The following GPC5 variants were observed in gnomAD, a reference collection of about 807,000 sequenced individuals.
GPC5 encodes the protein glypican-5.
GPC5 carries 47 observed loss-of-function variants against 53.9 expected under a neutral mutation model. The observed-to-expected ratio is 0.87, with a 90% CI of 0.69 to 1.11. The LOEUF (loss-of-function observed/expected upper bound fraction) is 1.11, where lower values mean the gene tolerates loss of function less well. Among genes scored for constraint, GPC5 ranks in the 50% most tolerant of loss-of-function variants. The pLI, the probability that GPC5 is intolerant of heterozygous loss-of-function variation, is 0.00. For missense variants in GPC5, 748 were observed against 713.1 expected, an observed-to-expected ratio of 1.05 and a Z score of -0.56; for synonymous variants, 286 against 263.3, an observed-to-expected ratio of 1.09 and a Z score of -0.84.
At chr13:92,419,772 T>G (rs573315262) in intron 7 of GPC5, among the ~76,000 whole-genome samples, 2 of 152,332 alleles carry the variant, frequency 1.3e-5, no homozygotes, top group East Asian at 3.9e-4. Context: ...ATTGAGTTTA[T>G]TTAAGAAAAA....
intron 2 of GPC5, among the ~76,000 whole-genome samples, chr13:91,570,098 G>A (rs1042510835): frequency 2.0e-5 from 3 of 152,144 alleles, no homozygotes; most frequent in Non-Finnish European, 2.9e-5. Flanking sequence ...CATATATTAA[G>A]CTACATATTT....
intron 5 of GPC5, among the ~76,000 whole-genome samples, chr13:91,773,306 A>C (rs527253468): frequency 6.6e-6 from 1 of 152,308 alleles, no homozygotes; most frequent in South Asian, 2.1e-4. Flanking sequence ...CTGCTCTTTC[A>C]TACAAATATA....
At chr13:91,640,883 C>T (rs1045170005) in intron 2 of GPC5, among the ~76,000 whole-genome samples, 1 of 151,642 alleles carries the variant, frequency 6.6e-6, no homozygotes, top group African/African-American at 2.4e-5. Context: ...AACCCAAATA[C>T]CCATTAATGA....
At chr13:92,199,347 T>C (rs971378985) in intron 7 of GPC5, among the ~76,000 whole-genome samples, 14 of 152,184 alleles carry the variant, frequency 9.2e-5, no homozygotes, top group Non-Finnish European at 2.1e-4. Flanking sequence ...TTTAACTTAT[T>C]CCAAAATCAC....
At chr13:91,473,526 A>G (rs1265371531) in intron 2 of GPC5, among the ~76,000 whole-genome samples, 3 of 152,172 alleles carry the variant, frequency 2.0e-5, no homozygotes, top group Non-Finnish European at 4.4e-5. Context: ...ATTTCCATAT[A>G]TCTGACTGCT....
chr13:92,783,595 A>T (rs1170462242), intron 7 of GPC5, among the ~76,000 whole-genome samples: 3 of 152,214 alleles, frequency 2.0e-5, no homozygotes, highest in Non-Finnish European at 4.4e-5. Context: ...GATGGATCTT[A>T]CCTTCATAAT....
rs561744788 is a variant in GPC5, at chr13:92,723,009, A to G, written c.1562-143273A>G. ...TTAGATGATATATGAAATACTAGAA[A>G]TGATGTGGATTTTGAAATAGACAGA... On this transcript the variant is annotated intron_variant, in intron 7 of 7. Coordinates refer to ENST00000377067, the MANE Select transcript of GPC5 (RefSeq NM_004466.6). Among the ~76,000 whole-genome samples the G allele has an allele frequency of 3.9e-5, 6 of 151,906 alleles. No individual in the cohort carries two copies. In the South Asian group the frequency reaches 1.2e-3, roughly 31 times the overall value.
intron 7 of GPC5, among the ~76,000 whole-genome samples, chr13:92,740,801 G>A (rs1889061438): frequency 6.6e-6 from 1 of 151,092 alleles, no homozygotes; most frequent in Admixed American, 6.6e-5. Flanking sequence ...CAAGGGGTAG[G>A]ATGATTAGGA....
intron 7 of GPC5, among the ~76,000 whole-genome samples, chr13:92,822,199 CATTAAT>C (rs572320465): frequency 1.6e-4 from 25 of 152,020 alleles, no homozygotes; most frequent in Non-Finnish European, 2.8e-4. Flanking sequence ...ATTGTATTAA[CATTAAT>C]ATTATCTGTC....
intron 6 of GPC5, among the ~76,000 whole-genome samples, chr13:92,058,974 A>G (rs988109599): frequency 4.6e-5 from 7 of 152,244 alleles, no homozygotes; most frequent in Non-Finnish European, 7.3e-5. Flanking sequence ...TTTTCTAATT[A>G]TCTTACCTCT....
chr13:92,149,971 T>C (rs2041895557), intron 7 of GPC5, among the ~76,000 whole-genome samples: 1 of 152,040 alleles, frequency 6.6e-6, no homozygotes, highest in African/African-American at 2.4e-5. Flanking sequence ...GTTTATTGAT[T>C]ATGCATATTC....
intron 7 of GPC5, among the ~76,000 whole-genome samples, chr13:92,402,028 G>T (rs1388980684): frequency 6.6e-6 from 1 of 152,082 alleles, no homozygotes; most frequent in African/African-American, 2.4e-5. Context: ...GCCGTCAGAA[G>T]GCTCCTATTG....
chr13:92,592,387 C>T (rs181941022), intron 7 of GPC5, among the ~76,000 whole-genome samples: 4 of 151,360 alleles, frequency 2.6e-5, no homozygotes, highest in Non-Finnish European at 4.4e-5. Flanking sequence ...AGGAGACAAG[C>T]AGGTCTTCCT....
At chr13:91,523,646 G>A (rs898354972) in intron 2 of GPC5, among the ~76,000 whole-genome samples, 4 of 152,140 alleles carry the variant, frequency 2.6e-5, no homozygotes, top group African/African-American at 7.2e-5. Context: ...GGCATCAAAT[G>A]TAAAGCATGA....
chr13:91,987,025 G>A (rs2040414513), intron 6 of GPC5, among the ~76,000 whole-genome samples: 1 of 152,136 alleles, frequency 6.6e-6, no homozygotes, highest in South Asian at 2.1e-4. Context: ...TAACAATCAA[G>A]GTTACACAAA....
chr13:91,928,446 G>A (rs1388149068), intron 6 of GPC5, among the ~76,000 whole-genome samples: 1 of 152,122 alleles, frequency 6.6e-6, no homozygotes, highest in Non-Finnish European at 1.5e-5. Flanking sequence ...TACTAAATGT[G>A]AGCGATGTTT....
chr13:92,736,967 T>G (rs1888952996), intron 7 of GPC5, among the ~76,000 whole-genome samples: 1 of 152,034 alleles, frequency 6.6e-6, no homozygotes, highest in African/African-American at 2.4e-5. Flanking sequence ...CTACTGGATT[T>G]GAGCTGGGCC....
In GPC5 at chr13:92,710,868, T is replaced by A. The variant is rs200612025; in HGVS notation, c.1562-155414T>A. Among the ~76,000 whole-genome samples the A allele has an allele frequency of 5.3e-5, 8 of 152,346 alleles. No homozygotes were observed. The East Asian group carries it at 1.5e-3, about 29-fold the overall frequency. ...GATATCCTAGGAAGAATTATTTTTA[T>A]GTGACAATGATGAATTTGTTGAAAA... On this transcript the variant is annotated intron_variant, in intron 7 of 7. Coordinates refer to ENST00000377067, the MANE Select transcript of GPC5 (RefSeq NM_004466.6).
chr13:92,216,937 C>A (rs2042414376), intron 7 of GPC5, among the ~76,000 whole-genome samples: 1 of 148,492 alleles, frequency 6.7e-6, no homozygotes, highest in African/African-American at 2.5e-5. Context: ...TGAGATCGCA[C>A]TACTGGGCTC....
Sources: gnomAD v4.1 joint callset for allele counts (sites outside exome capture counted in the v4.1 genomes callset) on GRCh38, gnomAD v4.1.1 for gene constraint, MANE v1.5 for transcripts, NCBI Gene and HGNC (gene_info 2026-07-23, HGNC 2026-07-21) for gene names.